Variants in LGR6 observed in about 807,000 individuals in gnomAD.
LGR6 encodes the protein leucine rich repeat containing G protein-coupled receptor 6, also known as leucine-rich repeat-containing G protein-coupled receptor 6.
In LGR6, 45 loss-of-function variants were observed where a neutral mutation model predicts 69.4. That is an observed-to-expected ratio of 0.65 (90% confidence interval 0.51 to 0.83). LGR6 has a LOEUF of 0.83. LGR6 is among the 40% of genes least tolerant of loss of function. The pLI is 0.00. For synonymous variants in LGR6, 538 were observed against 555.0 expected (o/e 0.97, Z 0.43); for missense variants, 1,108 against 1,246.7 (o/e 0.89, Z 1.68).
chr1:202,203,883 G>T lies in LGR6; in HGVS notation c.212+9682G>T, dbSNP rs757929330. The T allele has an allele frequency of 1.4e-5, 23 of 1,607,718 alleles. No individual in the cohort carries two copies. The South Asian group carries it at 2.5e-4, about 18-fold the overall frequency. ...AATAATCATCTCTGCCCGGTGAGTT[G>T]TTGCATGAAGCAAGATCCTCCTTGG... On this transcript the variant is annotated intron_variant, in intron 1 of 17. Transcript: ENST00000367278.
chr1:202,302,593 C>G (rs1480109078), intron 9 of LGR6, among the ~76,000 whole-genome samples: 1 of 152,102 alleles, frequency 6.6e-6, no homozygotes, highest in African/African-American at 2.4e-5. Context: ...GTTGCTCAGG[C>G]TGGAGTGCAA....
chr1:202,257,314 A>G lies in LGR6; in HGVS notation c.429-18992A>G, dbSNP rs188111281. Among the ~76,000 whole-genome samples the G allele has an allele frequency of 7.2e-5, 11 of 152,330 alleles. No homozygotes were observed. The South Asian group carries it at 1.7e-3, about 23-fold the overall frequency. ...AAGTTTTTAATTTCAATGAAGTCCA[A>G]TTAGTCTATTTTTTGGTTTGTTTGT... On this transcript the variant is annotated intron_variant, in intron 4 of 17. Transcript: ENST00000367278.
intron 17 of LGR6, 127 bp downstream of exon 17, chr1:202,315,009 C>A (rs1654038540): frequency 3.0e-6 from 2 of 675,070 alleles, no homozygotes; most frequent in Admixed American, 2.3e-5. Context: ...CAGCCTGCTG[C>A]AAGAGGGCCC....
intron 6 of LGR6, among the ~76,000 whole-genome samples, chr1:202,286,088 T>C (rs1666374114): frequency 6.6e-6 from 1 of 152,252 alleles, no homozygotes; most frequent in Admixed American, 6.5e-5. Context: ...GGGCCCACCC[T>C]GTTAACCAAG....
intron 1 of LGR6, among the ~76,000 whole-genome samples, chr1:202,200,786 G>A (rs1658809699): frequency 6.6e-6 from 1 of 152,182 alleles, no homozygotes; most frequent in Non-Finnish European, 1.5e-5. Flanking sequence ...ACACCCGAGA[G>A]GCCAAACTTG....
chr1:202,289,277 T>C (rs1666620607), intron 6 of LGR6, among the ~76,000 whole-genome samples: 2 of 152,180 alleles, frequency 1.3e-5, no homozygotes, highest in African/African-American at 2.4e-5. Flanking sequence ...ACACCCAGCA[T>C]GTCAGTGAGT....
At chr1:202,228,226 A>G (rs968127850) in intron 3 of LGR6, among the ~76,000 whole-genome samples, 1 of 152,252 alleles carries the variant, frequency 6.6e-6, no homozygotes, top group African/African-American at 2.4e-5. Flanking sequence ...TGCTACATTC[A>G]GCCACACTAA....
intron 1 of LGR6, among the ~76,000 whole-genome samples, chr1:202,218,691 CT>C (rs1659946792): frequency 6.6e-6 from 1 of 152,182 alleles, no homozygotes; most frequent in African/African-American, 2.4e-5. Context: ...GCTTTCCTCT[CT>C]GAACTCAGTT....
chr1:202,215,092 C>A, intron 1 of LGR6, among the ~76,000 whole-genome samples: 1 of 142,380 alleles, frequency 7.0e-6, no homozygotes, highest in South Asian at 2.2e-4. Context: ...AGAAAAGCTC[C>A]CATCTGGGAT....
intron 4 of LGR6, among the ~76,000 whole-genome samples, chr1:202,245,379 GGA>G (rs1662568929): frequency 6.6e-6 from 1 of 152,176 alleles, no homozygotes; most frequent in South Asian, 2.1e-4. Flanking sequence ...AGAGATGCTA[GGA>G]GAGTGTTCGT....
chr1:202,317,815 TG>T, intron 17 of LGR6, 136 bp from the exon 18 acceptor site: 1 of 853,212 alleles, frequency 1.2e-6, no homozygotes, highest in Non-Finnish European at 1.8e-6. Context: ...TCCCTTAGAC[TG>T]GGAGTTTTCC....
At chr1:202,208,398 A>G (rs999588046) in intron 1 of LGR6, among the ~76,000 whole-genome samples, 1 of 134,936 alleles carries the variant, frequency 7.4e-6, no homozygotes, top group Non-Finnish European at 1.6e-5. Context: ...GAGAGAGGAG[A>G]AGGAGGGGGG....
intron 4 of LGR6, among the ~76,000 whole-genome samples, chr1:202,267,187 G>A (rs762010310): frequency 3.9e-5 from 6 of 152,212 alleles, no homozygotes; most frequent in Non-Finnish European, 2.9e-5. Flanking sequence ...GAACAGTGTT[G>A]TCTTAGAGGA....
intron 6 of LGR6, among the ~76,000 whole-genome samples, chr1:202,281,810 A>C (rs1666028031): frequency 6.7e-6 from 1 of 148,614 alleles, no homozygotes; most frequent in African/African-American, 2.5e-5. Flanking sequence ...TCCCACATAT[A>C]CCCCAGGACA....
intron 4 of LGR6, among the ~76,000 whole-genome samples, chr1:202,274,512 G>A (rs1304617755): frequency 3.9e-5 from 6 of 152,178 alleles, no homozygotes; most frequent in South Asian, 2.1e-4. Context: ...GCAATCCAAG[G>A]TTGTTAGATT....
chr1:202,307,187 G>A, intron 13 of LGR6, 143 bp from the exon 14 acceptor site: 2 of 814,230 alleles, frequency 2.5e-6, no homozygotes, highest in Non-Finnish European at 4.0e-6. Flanking sequence ...GAGCTGGGCA[G>A]CAGCAGGTAC....
intron 6 of LGR6, 150 bp from the exon 7 acceptor site, chr1:202,297,357 CA>C: frequency 1.5e-6 from 1 of 651,702 alleles, no homozygotes. Context: ...ATGAACATTC[CA>C]AAATGTGTTT....
At chr1:202,237,116 A>AC (rs1179721492) in intron 4 of LGR6, among the ~76,000 whole-genome samples, 1 of 151,718 alleles carries the variant, frequency 6.6e-6, no homozygotes, top group African/African-American at 2.4e-5. Flanking sequence ...GGTCCCTGGC[A>AC]CCCCTCAGCT....
Position 202,319,407 on chromosome 1 carries a change from C to G in LGR6, c.*200C>G. 1 of 563,414 alleles carries G rather than the reference C, an allele frequency of 1.8e-6. No homozygotes were observed. Among genetic ancestry groups the G allele is most frequent in the South Asian group, 2.7e-5 (1 of 37,290 alleles). The allele number at this position is 563,414 out of a possible 1,614,324, so 34.9% of individuals were successfully genotyped here. ...CCTCTTGGCCTGGCTTTCCCTTGGC[C>G]TTCCTCAGCTTCACCTTGATACTGG... On this transcript the variant is annotated 3_prime_UTR_variant, in exon 18 of 18. Coordinates refer to ENST00000367278, the MANE Select transcript of LGR6 (RefSeq NM_001017403.2).
Sources: gnomAD v4.1 joint callset for allele counts (sites outside exome capture counted in the v4.1 genomes callset) on GRCh38, gnomAD v4.1.1 for gene constraint, MANE v1.5 for transcripts, NCBI Gene and HGNC (gene_info 2026-07-23, HGNC 2026-07-21) for gene names.